Variants in TOGARAM1 observed in about 807,000 individuals in gnomAD.
TOGARAM1 encodes TOG array regulator of axonemal microtubules protein 1.
TOGARAM1 carries 100 observed loss-of-function variants against 166.6 expected under a neutral mutation model. The ratio of observed to expected loss-of-function variants is 0.60; its 90% CI spans 0.51 to 0.71. The LOEUF (loss-of-function observed/expected upper bound fraction) is 0.71. TOGARAM1 is among the 30% of genes least tolerant of loss of function. The probability of loss-of-function intolerance (pLI) is 0.00; values close to 1 mark genes in which losing one functional copy is unlikely to be tolerated. For missense variants in TOGARAM1, 2,029 were observed against 2,102.7 expected, an observed-to-expected ratio of 0.96 and a Z score of 0.69; for synonymous variants, 758 against 763.8, an observed-to-expected ratio of 0.99 and a Z score of 0.13.
intron 13 of TOGARAM1, among the ~76,000 whole-genome samples, chr14:45,045,581 ATATGTGTGTGTGTGTGTGTGTGTG>A (rs1171950354): frequency 2.3e-3 from 77 of 33,110 alleles, no homozygotes; most frequent in African/African-American, 0.018. Flanking sequence ...ATATATATAT[ATATGTGTGTGTGTGTGTGTGTGTG>A]TGTGTGTGTG....
intron 1 of TOGARAM1, among the ~76,000 whole-genome samples, chr14:44,990,761 G>A (rs1398026196): frequency 1.2e-4 from 18 of 151,962 alleles, no homozygotes; most frequent in Non-Finnish European, 2.9e-5. Context: ...AGTTCAGTGT[G>A]GGTATTCTCC....
At chr14:44,981,069 C>A (rs1256857050) in intron 1 of TOGARAM1, among the ~76,000 whole-genome samples, 1 of 151,792 alleles carries the variant, frequency 6.6e-6, no homozygotes, top group Non-Finnish European at 1.5e-5. Context: ...AAAATTTGAA[C>A]AAAGTAACTA....
intron 13 of TOGARAM1, among the ~76,000 whole-genome samples, chr14:45,045,348 TA>T: frequency 6.6e-6 from 1 of 150,568 alleles, no homozygotes; most frequent in East Asian, 1.9e-4. Context: ...GTTCATTATA[TA>T]AAGTTCATTA....
intron 16 of TOGARAM1, among the ~76,000 whole-genome samples, chr14:45,063,780 G>A (rs756410723): frequency 6.6e-6 from 1 of 152,016 alleles, no homozygotes; most frequent in African/African-American, 2.4e-5. Context: ...CTTCTCGCCC[G>A]ACAAAGATTC....
chr14:45,050,229 T>A (rs1882293733), intron 14 of TOGARAM1, among the ~76,000 whole-genome samples: 1 of 152,120 alleles, frequency 6.6e-6, no homozygotes. Flanking sequence ...TTTCATTACA[T>A]TTGAAGGGGT....
At chr14:45,045,549 A>G (rs1488258198) in intron 13 of TOGARAM1, among the ~76,000 whole-genome samples, 1,943 of 21,162 alleles carry the variant, frequency 0.092, 155 homozygotes, top group African/African-American at 0.28. Flanking sequence ...GTGTGTATAT[A>G]TATATATATA....
At chr14:45,053,032 CT>C (rs1177460413) in intron 15 of TOGARAM1, among the ~76,000 whole-genome samples, 5,904 of 128,630 alleles carry the variant, frequency 0.046, 79 homozygotes, top group African/African-American at 0.11. Flanking sequence ...AGTGCAATGT[CT>C]TTTTTTTTTT....
chr14:44,985,525 G>A (rs544119397), intron 1 of TOGARAM1, among the ~76,000 whole-genome samples: 20 of 152,316 alleles, frequency 1.3e-4, no homozygotes, highest in Non-Finnish European at 2.6e-4. Context: ...TAGAAGGAGT[G>A]TGCAACCTAG....
Position 45,044,843 on chromosome 14 carries a change from T to G in TOGARAM1, c.4127T>G (p.Val1376Gly). The G allele has an allele frequency of 6.2e-7, 1 of 1,612,708 alleles. No homozygotes were observed. The highest frequency in any genetic ancestry group is 8.5e-7 in the Non-Finnish European group (1 of 1,179,308). Residue 1376 changes from valine to glycine, a missense_variant, in exon 13 of 20, where the codon GTT (valine) becomes GGT (glycine). Val to Gly is a moderately radical substitution (Grantham distance 109). Around this residue, in one of 2 missense-constraint regions of TOGARAM1, gnomAD observed 576 missense variants for 670.5 expected, o/e 0.86. Transcript: ENST00000361462. ...AATAATGTAACTCCTGCACGTGCAG[T>G]TGTTTCTCTTATCAATGGTGGACAA... ...MVNNVTPARA[V>G]VSLINGGQSH... is the part of the protein sequence containing the mutation.
chr14:45,007,201 CT>C (rs1879501031), intron 5 of TOGARAM1: 1 of 151,914 alleles, frequency 6.6e-6, no homozygotes, highest in African/African-American at 2.4e-5. Flanking sequence ...GTTAATATTA[CT>C]GTATATTCAT....
chr14:44,983,828 A>G (rs1406900632), intron 1 of TOGARAM1, among the ~76,000 whole-genome samples: 1 of 152,150 alleles, frequency 6.6e-6, no homozygotes, highest in Admixed American at 6.5e-5. Flanking sequence ...TTTATTTTTT[A>G]TGCTTGTGAA....
At chr14:45,014,162 C>T (rs919179516) in intron 7 of TOGARAM1, among the ~76,000 whole-genome samples, 4 of 151,666 alleles carry the variant, frequency 2.6e-5, no homozygotes, top group Non-Finnish European at 5.9e-5. Context: ...TTTCCTTCCT[C>T]AGCCTCCCAG....
In TOGARAM1 at chr14:44,962,816, G is replaced by C. The variant is rs1885252245; in HGVS notation, c.395G>C (p.Arg132Pro). 2 of 1,612,592 alleles carry C rather than the reference G, an allele frequency of 1.2e-6. No homozygotes were observed. The highest frequency in any genetic ancestry group is 2.2e-5 in the East Asian group (1 of 44,898). The change falls in exon 1 of 20, where the codon CGC becomes CCC. Residue 132 changes from arginine (R) to proline (P), a missense_variant. By Grantham distance (103) the Arg-to-Pro change is moderately radical. Around this residue, in one of 2 missense-constraint regions of TOGARAM1, gnomAD observed 1,453 missense variants for 1,432.2 expected, o/e 1.01. Transcript: ENST00000361462. ...RRGGRLGFPR[R>P]KEALYRALGR... ...GGCGGTCGACTTGGCTTCCCCCGAC[G>C]CAAGGAAGCTTTGTATCGGGCACTG...
chr14:44,987,720 G>A (rs1389726550), intron 1 of TOGARAM1, among the ~76,000 whole-genome samples: 27 of 149,532 alleles, frequency 1.8e-4, no homozygotes, highest in East Asian at 5.9e-4. Flanking sequence ...ATCTAGAACT[G>A]GAAATACCAT....
intron 1 of TOGARAM1, among the ~76,000 whole-genome samples, chr14:44,985,033 A>T (rs200855136): frequency 9.3e-5 from 14 of 150,470 alleles, no homozygotes; most frequent in East Asian, 7.8e-4. Context: ...TTTTTTTCTG[A>T]GATGGAGTCT....
chr14:45,063,876 C>A (rs1883020491), intron 16 of TOGARAM1, among the ~76,000 whole-genome samples: 2 of 152,102 alleles, frequency 1.3e-5, no homozygotes, highest in Non-Finnish European at 2.9e-5. Context: ...CCTGCCTAAC[C>A]CAGTCTTAGC....
At position 45,073,952 on chromosome 14, in the gene TOGARAM1, ATTT is replaced by A. The variant is rs1883495487; in HGVS notation, c.*393_*395del. 1.3e-5 allele frequency: 2 copies of A among 159,240 alleles called. No individual in the cohort carries two copies. 9.9% of individuals were successfully genotyped at this position (159,240 alleles called of 1,614,324 possible). Reference sequence around the variant, plus strand: ...CTGGTATGTCTCATTTCTCAGCCTTATTTTATAACGTGGAAGTCATTGAACTAT... The same window carrying A: ...CTGGTATGTCTCATTTCTCAGCCTTATATAACGTGGAAGTCATTGAACTAT... On this transcript the variant is annotated 3_prime_UTR_variant, in exon 20 of 20. Coordinates refer to ENST00000361462, the MANE Select transcript of TOGARAM1 (RefSeq NM_001308120.2).
chr14:45,016,497 T>C (rs983613889), intron 7 of TOGARAM1, among the ~76,000 whole-genome samples: 1 of 152,192 alleles, frequency 6.6e-6, no homozygotes, highest in South Asian at 2.1e-4. Context: ...CTGACCAACA[T>C]GGTGAAACAC....
intron 16 of TOGARAM1, among the ~76,000 whole-genome samples, chr14:45,059,510 G>A (rs1390085942): frequency 1.3e-4 from 20 of 152,102 alleles, no homozygotes; most frequent in African/African-American, 1.9e-4. Flanking sequence ...TTAGCTGGAC[G>A]TGATGGCGCA....
Sources: gnomAD v4.1 joint callset for allele counts (sites outside exome capture counted in the v4.1 genomes callset) on GRCh38, gnomAD v4.1.1 for gene constraint, gnomAD v4.1.1 regional missense constraint, MANE v1.5 for transcripts, NCBI Gene and HGNC (gene_info 2026-07-23, HGNC 2026-07-21) for gene names.